The following GPATCH2 variants were observed in gnomAD, a reference collection of about 807,000 sequenced individuals.
The protein encoded by GPATCH2 is G-patch domain containing 2.
A neutral mutation model predicts 58.0 loss-of-function variants in GPATCH2; 51 were observed. That is an observed-to-expected ratio of 0.88 (90% CI 0.70 to 1.11). The LOEUF (loss-of-function observed/expected upper bound fraction) is 1.11, where lower values mean the gene tolerates loss of function less well. Among genes scored for constraint, GPATCH2 ranks in the 50% most tolerant of loss-of-function variants. The pLI is 0.00. For missense variants in GPATCH2, 625 were observed against 652.2 expected (o/e 0.96, Z 0.45); for synonymous variants, 222 against 218.5 (o/e 1.02, Z -0.14).
At chr1:217,569,158 A>G (rs1406065616) in intron 5 of GPATCH2, among the ~76,000 whole-genome samples, 1 of 151,984 alleles carries the variant, frequency 6.6e-6, no homozygotes, top group Non-Finnish European at 1.5e-5. Context: ...AACAATTAAT[A>G]TGAGACCAGT....
intron 5 of GPATCH2, among the ~76,000 whole-genome samples, chr1:217,554,326 G>A (rs910278149): frequency 7.9e-5 from 12 of 152,130 alleles, no homozygotes; most frequent in Non-Finnish European, 1.8e-4. Context: ...ACTAGCTAGG[G>A]CAACCTCATC....
At chr1:217,451,146 T>C (rs545951653) in intron 8 of GPATCH2, among the ~76,000 whole-genome samples, 162 of 152,352 alleles carry the variant, frequency 1.1e-3, no homozygotes, top group African/African-American at 3.7e-3. Flanking sequence ...TAACCAACTT[T>C]ATTAACGACT....
chr1:217,514,716 T>C (rs1437320273), intron 6 of GPATCH2, 106 bp downstream of exon 6: 3 of 549,854 alleles, frequency 5.5e-6, no homozygotes, highest in African/African-American at 3.7e-5. Flanking sequence ...CTTACTCTTT[T>C]TAAAAAGTAC....
In GPATCH2 at chr1:217,476,347, A is replaced by G. The variant is rs554352570; in HGVS notation, c.1277+15333T>C. ...AAGATGGCAGAATAGAAGACCACCA[A>G]TTGCCACCCCCTCCAGGACACCAAT... On this transcript the variant is annotated intron_variant, in intron 8 of 9. Transcript: ENST00000366935. Among the ~76,000 whole-genome samples the G allele has an allele frequency of 1.2e-3, 184 of 151,934 alleles. 1 individual carries two copies. Among genetic ancestry groups the G allele is most frequent in the Non-Finnish European group, 2.3e-3 (157 of 67,958 alleles).
At chr1:217,485,308 C>T (rs1052787508) in intron 8 of GPATCH2, among the ~76,000 whole-genome samples, 3 of 152,096 alleles carry the variant, frequency 2.0e-5, no homozygotes, top group African/African-American at 7.2e-5. Flanking sequence ...CTCAGTCTAC[C>T]GATTCAAATG....
intron 8 of GPATCH2, among the ~76,000 whole-genome samples, chr1:217,479,890 A>C (rs1661140298): frequency 6.6e-6 from 1 of 152,182 alleles, no homozygotes; most frequent in Admixed American, 6.5e-5. Context: ...AATAGATTTC[A>C]AGACAAAAAC....
intron 8 of GPATCH2, among the ~76,000 whole-genome samples, chr1:217,462,518 A>C (rs1296149495): frequency 6.6e-6 from 1 of 152,194 alleles, no homozygotes; most frequent in Non-Finnish European, 1.5e-5. Flanking sequence ...AAAAACAAAA[A>C]AAAGACACTG....
chr1:217,484,616 T>C (rs1309040400), intron 8 of GPATCH2, among the ~76,000 whole-genome samples: 6 of 148,644 alleles, frequency 4.0e-5, no homozygotes, highest in African/African-American at 1.5e-4. Flanking sequence ...TGTATACACA[T>C]ACACATGCAT....
intron 5 of GPATCH2, among the ~76,000 whole-genome samples, chr1:217,607,042 C>G (rs1245687098): frequency 6.6e-6 from 1 of 152,152 alleles, no homozygotes; most frequent in Non-Finnish European, 1.5e-5. Flanking sequence ...TCACAAAGGT[C>G]TGACTTCAAA....
intron 5 of GPATCH2, among the ~76,000 whole-genome samples, chr1:217,560,378 A>C (rs1305607871): frequency 2.0e-5 from 3 of 152,190 alleles, no homozygotes; most frequent in Non-Finnish European, 4.4e-5. Flanking sequence ...TTAACTCCTC[A>C]GGGGTATTTG....
intron 8 of GPATCH2, among the ~76,000 whole-genome samples, chr1:217,478,411 C>T (rs1327259541): frequency 1.3e-5 from 2 of 152,084 alleles, no homozygotes; most frequent in African/African-American, 2.4e-5. Context: ...ATTCAAAATT[C>T]TATTAGACAA....
chr1:217,436,887 T>C (rs1658860146), intron 9 of GPATCH2, among the ~76,000 whole-genome samples: 1 of 152,158 alleles, frequency 6.6e-6, no homozygotes, highest in Non-Finnish European at 1.5e-5. Context: ...GACTGAACAC[T>C]GAACTTGCAA....
intron 8 of GPATCH2, among the ~76,000 whole-genome samples, chr1:217,471,418 CAAAT>C (rs998400033): frequency 2.6e-5 from 4 of 152,074 alleles, no homozygotes; most frequent in Non-Finnish European, 4.4e-5. Flanking sequence ...TGCAAAATGA[CAAAT>C]AGTTTTGTAT....
At chr1:217,629,347 T>C (rs1193568385) in intron 1 of GPATCH2, among the ~76,000 whole-genome samples, 3 of 152,158 alleles carry the variant, frequency 2.0e-5, no homozygotes, top group Non-Finnish European at 2.9e-5. Flanking sequence ...TGCTACCACT[T>C]TGTTATACTC....
intron 6 of GPATCH2, 152 bp from the exon 7 acceptor site, chr1:217,498,547 T>C: frequency 6.0e-6 from 4 of 671,264 alleles, no homozygotes; most frequent in African/African-American, 1.8e-5. Context: ...AATTCTAGAC[T>C]TAGACCAATT....
intron 9 of GPATCH2, among the ~76,000 whole-genome samples, chr1:217,444,866 C>G (rs1020817124): frequency 6.6e-6 from 1 of 152,068 alleles, no homozygotes; most frequent in Non-Finnish European, 1.5e-5. Context: ...AATCTAGTAC[C>G]TTGAAAAGGA....
chr1:217,502,251 C>CA (rs1437659778), intron 6 of GPATCH2, among the ~76,000 whole-genome samples: 2 of 151,914 alleles, frequency 1.3e-5, no homozygotes, highest in Non-Finnish European at 2.9e-5. Context: ...GCTATATCTA[C>CA]AAAAAATCTT....
chr1:217,452,969 C>T (rs1339278957), intron 8 of GPATCH2, among the ~76,000 whole-genome samples: 3 of 152,126 alleles, frequency 2.0e-5, no homozygotes, highest in Admixed American at 6.5e-5. Context: ...TAGGCTTGCC[C>T]CACACCCCCC....
At chr1:217,625,541 T>G (rs1473351364) in intron 1 of GPATCH2, among the ~76,000 whole-genome samples, 1 of 152,138 alleles carries the variant, frequency 6.6e-6, no homozygotes, top group Non-Finnish European at 1.5e-5. Context: ...GAAGCCTCTG[T>G]TACCAATAAT....
Sources: gnomAD v4.1 joint callset for allele counts (sites outside exome capture counted in the v4.1 genomes callset) on GRCh38, gnomAD v4.1.1 for gene constraint, MANE v1.5 for transcripts, NCBI Gene and HGNC (gene_info 2026-07-23, HGNC 2026-07-21) for gene names.